The following ZNF536 variants were observed in gnomAD, a reference collection of about 807,000 sequenced individuals.
ZNF536 encodes zinc finger protein 536.
ZNF536 carries 13 observed loss-of-function variants against 84.5 expected under a neutral mutation model. The ratio of observed to expected loss-of-function variants is 0.15; its 90% CI spans 0.10 to 0.24. The LOEUF is 0.24. ZNF536 is among the 10% of genes least tolerant of loss of function. The probability of loss-of-function intolerance (pLI) is 1.00; values close to 1 mark genes in which losing one functional copy is unlikely to be tolerated. For missense variants in ZNF536, 1,536 were observed against 1,747.5 expected (o/e 0.88, Z 2.16); for synonymous variants, 811 against 742.5 (o/e 1.09, Z -1.50).
At position 30,445,770 on chromosome 19, in the gene ZNF536, A is replaced by G. The variant is rs746607087; in HGVS notation, c.2170+38A>G. The G allele has an allele frequency of 2.0e-6, 3 of 1,524,034 alleles. No individual in the cohort carries two copies. In the South Asian group the frequency reaches 3.9e-5, roughly 20 times the overall value. 94.4% of individuals were successfully genotyped at this position (1,524,034 alleles called of 1,614,324 possible). ...AGAAGCGGGGAGAAGCAGCTTGTAC[A>G]GCAGCCCTGCTCAGGGCTGCCTGGT... On this transcript the variant is annotated intron_variant, in intron 2 of 4. Coordinates refer to ENST00000355537, the MANE Select transcript of ZNF536 (RefSeq NM_014717.3). The surrounding 1 kb of genome is among the most constrained non-coding windows in gnomAD (Gnocchi z 4.5).
Sources: gnomAD v4.1 joint callset for allele counts on GRCh38, gnomAD v4.1.1 for gene constraint, Gnocchi (gnomAD v3.1) non-coding constraint, MANE v1.5 for transcripts, NCBI Gene and HGNC (gene_info 2026-07-23, HGNC 2026-07-21) for gene names.